GFRAL: variants seen among roughly 807,000 people sequenced by gnomAD.
The protein encoded by GFRAL is GDNF family receptor alpha like, also known as GDNF family receptor alpha-like.
In GFRAL, 36 loss-of-function variants were observed where a neutral mutation model predicts 45.4. The observed-to-expected ratio is 0.79, with a 90% CI of 0.61 to 1.05. The LOEUF is 1.05. Ranked by LOEUF, GFRAL falls within the 50% of genes least tolerant of loss-of-function variation. GFRAL has a pLI of 0.00. For synonymous variants in GFRAL, 166 were observed against 154.1 expected (o/e 1.08, Z -0.57); for missense variants, 507 against 467.5 (o/e 1.08, Z -0.78).
At chr6:55,334,015 TATGTAATGTG>T in intron 3 of GFRAL, 71 bp downstream of exon 3, 1 of 869,086 alleles carries the variant, frequency 1.2e-6, no homozygotes, top group Non-Finnish European at 1.7e-6. Flanking sequence ...TAACCACATC[TATGTAATGTG>T]ATTAATGTTT....
intron 6 of GFRAL, among the ~76,000 whole-genome samples, chr6:55,393,056 A>G (rs915538294): frequency 1.3e-5 from 2 of 152,182 alleles, no homozygotes; most frequent in Non-Finnish European, 2.9e-5. Context: ...TCAACACACA[A>G]TGTTTTCAGT....
At chr6:55,356,078 G>A (rs1310372480) in intron 5 of GFRAL, among the ~76,000 whole-genome samples, 1 of 151,798 alleles carries the variant, frequency 6.6e-6, no homozygotes, top group Non-Finnish European at 1.5e-5. Flanking sequence ...TAAATCCCAC[G>A]TGGTCATGAT....
chr6:55,398,911 A>G (rs1404093286), intron 6 of GFRAL, among the ~76,000 whole-genome samples: 1 of 152,130 alleles, frequency 6.6e-6, no homozygotes, highest in Non-Finnish European at 1.5e-5. Context: ...TGTATATAAG[A>G]TACAATGATT....
At position 55,330,300 on chromosome 6, in the gene GFRAL, C is replaced by T. The variant is rs373777607; in HGVS notation, c.23-1415C>T. On this transcript the variant is annotated intron_variant, in intron 1 of 8. Coordinates refer to ENST00000340465, the MANE Select transcript of GFRAL (RefSeq NM_207410.2). ...TTTATTGAATACCTATACTGCATCA[C>T]TGTGTTTGGTGACAAAAATACAGTT... Among the ~76,000 whole-genome samples, 42 of 152,198 alleles carry T rather than the reference C, an allele frequency of 2.8e-4. 1 individual carries two copies. The South Asian group carries it at 4.3e-3, about 16-fold the overall frequency.
chr6:55,386,890 G>A (rs879295615), intron 6 of GFRAL, among the ~76,000 whole-genome samples: 1 of 152,096 alleles, frequency 6.6e-6, no homozygotes, highest in Non-Finnish European at 1.5e-5. Flanking sequence ...TTCCTATTTT[G>A]CAGTAAATGC....
intron 3 of GFRAL, among the ~76,000 whole-genome samples, chr6:55,334,349 A>G (rs1452002439): frequency 6.6e-6 from 1 of 152,176 alleles, no homozygotes; most frequent in Non-Finnish European, 1.5e-5. Flanking sequence ...GTTGTTAAGG[A>G]ACTCAGTGTC....
At chr6:55,373,087 C>CA (rs571971780) in intron 6 of GFRAL, among the ~76,000 whole-genome samples, 25,342 of 127,244 alleles carry the variant, frequency 0.2, 2,497 homozygotes, top group East Asian at 0.4. Context: ...AGCAAAACCT[C>CA]AAAAAAAAAA....
intron 5 of GFRAL, among the ~76,000 whole-genome samples, chr6:55,357,638 A>G (rs1318392847): frequency 6.6e-6 from 1 of 151,626 alleles, no homozygotes; most frequent in Admixed American, 6.6e-5. Flanking sequence ...CAGCCATACT[A>G]TGTCTTTTAA....
intron 8 of GFRAL, among the ~76,000 whole-genome samples, chr6:55,400,928 C>A (rs1306540382): frequency 3.5e-4 from 54 of 152,118 alleles, no homozygotes; most frequent in Non-Finnish European, 1.5e-5. Flanking sequence ...TCAATCTTTA[C>A]TTCTTAACTA....
Position 55,401,852 on chromosome 6 carries a change from G to A in GFRAL, c.1184G>A (p.Ter395=), listed in dbSNP as rs1168387020. 6.8e-7 allele frequency: 1 copy of A among 1,472,506 alleles called. No individual in the cohort carries two copies. The highest frequency in any genetic ancestry group is 1.7e-5 in the Admixed American group (1 of 59,720). 91.2% of individuals were successfully genotyped at this position (1,472,506 alleles called of 1,614,324 possible). A position where few individuals can be genotyped will look rare whatever the true frequency, so the allele number is the denominator to read the frequency against. ...PSSIQIPGEL[*] ...TCGATCCAAATACCTGGAGAACTCT[G>A]ATTCATTAGGAGTCATGGACCTATA... Residue 395 remains the stop codon, a stop_retained_variant, in exon 9 of 9, where the codon TGA becomes TAA. Coordinates refer to ENST00000340465, the MANE Select transcript of GFRAL (RefSeq NM_207410.2).
chr6:55,386,015 T>C (rs1170973358), intron 6 of GFRAL, among the ~76,000 whole-genome samples: 1 of 152,092 alleles, frequency 6.6e-6, no homozygotes, highest in Non-Finnish European at 1.5e-5. Context: ...AGTGACTATT[T>C]ATTTAATATT....
chr6:55,359,279 T>G (rs1037398494), intron 6 of GFRAL, 141 bp downstream of exon 6: 3 of 651,262 alleles, frequency 4.6e-6, no homozygotes, highest in African/African-American at 3.7e-5. Context: ...TTTGAAAATT[T>G]GCTTTCTGAT....
intron 6 of GFRAL, among the ~76,000 whole-genome samples, chr6:55,382,822 C>T (rs546565229): frequency 1.3e-5 from 2 of 151,866 alleles, no homozygotes; most frequent in Non-Finnish European, 2.9e-5. Flanking sequence ...TCACAATAAA[C>T]ATTTCTAACT....
chr6:55,375,140 T>C (rs150036714), intron 6 of GFRAL, among the ~76,000 whole-genome samples: 3 of 152,226 alleles, frequency 2.0e-5, no homozygotes, highest in Admixed American at 6.5e-5. Flanking sequence ...TTTAAATAGC[T>C]TTTTTCTAAT....
At chr6:55,359,510 T>C (rs1401671378) in intron 6 of GFRAL, among the ~76,000 whole-genome samples, 2 of 151,940 alleles carry the variant, frequency 1.3e-5, no homozygotes. Flanking sequence ...ACGATAACCA[T>C]TTATTTGCTC....
At chr6:55,344,016 A>G (rs1483086839) in intron 3 of GFRAL, among the ~76,000 whole-genome samples, 2 of 152,128 alleles carry the variant, frequency 1.3e-5, no homozygotes, top group Non-Finnish European at 2.9e-5. Context: ...TAGACCAATA[A>G]CAAGCTCTGA....
intron 6 of GFRAL, among the ~76,000 whole-genome samples, chr6:55,375,966 C>A (rs184443965): frequency 6.6e-6 from 1 of 152,104 alleles, no homozygotes; most frequent in Non-Finnish European, 1.5e-5. Flanking sequence ...CCAGCTTTTG[C>A]ACATTCAGTA....
rs1314422068 is a variant in GFRAL at position 55,367,134 on chromosome 6, G to C, written c.952+7996G>C. Among the ~76,000 whole-genome samples, 18 of 105,714 alleles carry C rather than the reference G, an allele frequency of 1.7e-4. 2 individuals carry two copies. The Admixed American group carries it at 1.7e-3, about 10-fold the overall frequency. 69.4% of individuals were successfully genotyped at this position (105,714 alleles called of 152,430 possible). A position where few individuals can be genotyped will look rare whatever the true frequency, so the allele number is the denominator to read the frequency against. ...ATGAATCTTGGTGCTCCTGTATTGG[G>C]TGCATATATATTTAGGATAGTTAGC... On this transcript the variant is annotated intron_variant, in intron 6 of 8. Coordinates refer to ENST00000340465, the MANE Select transcript of GFRAL (RefSeq NM_207410.2).
chr6:55,335,316 G>A (rs889791600), intron 3 of GFRAL, among the ~76,000 whole-genome samples: 1 of 152,064 alleles, frequency 6.6e-6, no homozygotes, highest in Non-Finnish European at 1.5e-5. Context: ...TAAAATTGGT[G>A]TTTGGTTATT....
Sources: allele counts gnomAD v4.1 joint callset (sites outside exome capture counted in the v4.1 genomes callset), GRCh38; gene constraint gnomAD v4.1.1; transcripts MANE v1.5; gene names NCBI Gene and HGNC (gene_info 2026-07-23, HGNC 2026-07-21).